EEPD1: variants seen among roughly 807,000 people sequenced by gnomAD.
The protein encoded by EEPD1 is endonuclease/exonuclease/phosphatase family domain containing 1, also known as endonuclease/exonuclease/phosphatase family domain-containing protein 1.
EEPD1 carries 17 observed loss-of-function variants against 46.3 expected under a neutral mutation model. That is an observed-to-expected ratio of 0.37 (90% CI 0.25 to 0.55). The LOEUF (loss-of-function observed/expected upper bound fraction) is 0.55. Among genes scored for constraint, EEPD1 ranks in the 20% least tolerant of loss-of-function variants. The probability of loss-of-function intolerance (pLI) is 0.83; values close to 1 mark genes in which losing one functional copy is unlikely to be tolerated. For missense variants in EEPD1, 673 were observed against 745.6 expected (o/e 0.90, Z 1.13); for synonymous variants, 313 against 315.6 (o/e 0.99, Z 0.09).
intron 2 of EEPD1, among the ~76,000 whole-genome samples, chr7:36,234,318 G>C (rs1786389634): frequency 6.6e-6 from 1 of 152,206 alleles, no homozygotes; most frequent in Admixed American, 6.5e-5. Flanking sequence ...TGGTGAGACA[G>C]TGTTTGCTTA....
At chr7:36,165,741 T>TACTTA (rs1784973025) in intron 2 of EEPD1, among the ~76,000 whole-genome samples, 1 of 152,030 alleles carries the variant, frequency 6.6e-6, no homozygotes, top group Non-Finnish European at 1.5e-5. Context: ...CCGGCCCTAA[T>TACTTA]GATCCATTTC....
At chr7:36,253,708 T>G (rs577600594) in intron 3 of EEPD1, among the ~76,000 whole-genome samples, 1 of 152,350 alleles carries the variant, frequency 6.6e-6, no homozygotes, top group African/African-American at 2.4e-5. Context: ...TCACCTCTAG[T>G]AACAGATTTT....
chr7:36,272,557 A>C (rs1787126725), intron 3 of EEPD1, among the ~76,000 whole-genome samples: 1 of 143,334 alleles, frequency 7.0e-6, no homozygotes, highest in African/African-American at 2.7e-5. Context: ...CATCTTGCTC[A>C]GGAACCATGT....
chr7:36,195,496 A>C (rs1374027650), intron 2 of EEPD1, among the ~76,000 whole-genome samples: 1 of 152,240 alleles, frequency 6.6e-6, no homozygotes, highest in Non-Finnish European at 1.5e-5. Flanking sequence ...GCAATTTTGC[A>C]ATTTTATTTA....
At chr7:36,222,253 G>C (rs1786159006) in intron 2 of EEPD1, among the ~76,000 whole-genome samples, 1 of 152,114 alleles carries the variant, frequency 6.6e-6, no homozygotes, top group Non-Finnish European at 1.5e-5. Context: ...TACAAATAAA[G>C]TAAACTAAGG....
chr7:36,154,878 C>T lies in EEPD1; in HGVS notation c.554C>T (p.Ala185Val), dbSNP rs202070535. 2 of 1,614,194 alleles carry T rather than the reference C, an allele frequency of 1.2e-6. No individual in the cohort carries two copies. The highest frequency in any genetic ancestry group is 1.3e-5 in the African/African-American group (1 of 75,044). Residue 185 changes from alanine (A) to valine (V), a missense_variant, in exon 2 of 8, where the codon GCC (alanine) becomes GTC (valine). Ala to Val is a moderately conservative substitution (Grantham distance 64). Coordinates refer to ENST00000242108, the MANE Select transcript of EEPD1 (RefSeq NM_030636.3). The surrounding 1 kb of genome is among the most constrained non-coding windows in gnomAD (Gnocchi z 4.2). ...EDLVRMDGINAAFLDRIRHQV... is the reference protein window; with the variant it reads ...EDLVRMDGINVAFLDRIRHQV... Reference sequence around the variant, plus strand: ...CTAGTGAGGATGGATGGTATCAATGCCGCCTTCCTGGACAGGATCCGGCAC... The same window carrying T: ...CTAGTGAGGATGGATGGTATCAATGTCGCCTTCCTGGACAGGATCCGGCAC...
intron 3 of EEPD1, among the ~76,000 whole-genome samples, chr7:36,241,826 C>T (rs1474344909): frequency 6.6e-6 from 1 of 152,188 alleles, no homozygotes; most frequent in Non-Finnish European, 1.5e-5. Context: ...CGAGATTGCG[C>T]CATTGCACTC....
At chr7:36,198,166 A>G (rs1350623695) in intron 2 of EEPD1, among the ~76,000 whole-genome samples, 1 of 151,920 alleles carries the variant, frequency 6.6e-6, no homozygotes, top group African/African-American at 2.4e-5. Context: ...ACATCTGATA[A>G]TGAGAATTTT....
intron 3 of EEPD1, among the ~76,000 whole-genome samples, chr7:36,258,141 G>A (rs1203738229): frequency 6.6e-6 from 1 of 152,210 alleles, no homozygotes; most frequent in Non-Finnish European, 1.5e-5. Context: ...GTTTGCCTAG[G>A]TATCACGAGT....
chr7:36,195,610 G>A (rs1785566895), intron 2 of EEPD1, among the ~76,000 whole-genome samples: 1 of 152,212 alleles, frequency 6.6e-6, no homozygotes, highest in African/African-American at 2.4e-5. Context: ...GGGTGGAGTG[G>A]ATTGGGGAGA....
At chr7:36,270,381 C>A (rs1441932156) in intron 3 of EEPD1, among the ~76,000 whole-genome samples, 1 of 152,042 alleles carries the variant, frequency 6.6e-6, no homozygotes, top group African/African-American at 2.4e-5. Flanking sequence ...CATAGGTATA[C>A]ACGTGCCATG....
intron 2 of EEPD1, among the ~76,000 whole-genome samples, chr7:36,186,262 C>T (rs1004957542): frequency 1.2e-4 from 18 of 152,250 alleles, no homozygotes; most frequent in South Asian, 2.1e-4. Context: ...CTGCCTTTCT[C>T]GGTTCTCTTC....
chr7:36,233,528 GC>G (rs1461893484), intron 2 of EEPD1, among the ~76,000 whole-genome samples: 3 of 152,246 alleles, frequency 2.0e-5, no homozygotes. Flanking sequence ...GAATGTCTCA[GC>G]CCCCAGCCTC....
At position 36,163,682 on chromosome 7, in the gene EEPD1, A is replaced by G. The variant is rs189890570; in HGVS notation, c.878+8480A>G. Among the ~76,000 whole-genome samples, 1,332 of 152,266 alleles carry G rather than the reference A, an allele frequency of 8.7e-3. 18 individuals are homozygous for G. The highest frequency in any genetic ancestry group is 0.03 in the African/African-American group (1,256 of 41,560). ...ATCATGAGGTCAGGAGATCGAGACC[A>G]TCTTGGCTAACACAGTGAAACCCTG... On this transcript the variant is annotated intron_variant, in intron 2 of 7. Coordinates refer to ENST00000242108, the MANE Select transcript of EEPD1 (RefSeq NM_030636.3).
chr7:36,230,650 C>T (rs1225735967), intron 2 of EEPD1: 1 of 152,216 alleles, frequency 6.6e-6, no homozygotes, highest in Non-Finnish European at 1.5e-5. Flanking sequence ...AGCCTCCCAG[C>T]TTTGTGCAGT....
chr7:36,287,000 A>T (rs196593), intron 5 of EEPD1, among the ~76,000 whole-genome samples: 11,185 of 152,058 alleles, frequency 0.074, 575 homozygotes, highest in Non-Finnish European at 0.11. Flanking sequence ...AGGCAGGAGG[A>T]TCACTTGAGG....
At chr7:36,232,669 A>T (rs191152453) in intron 2 of EEPD1, among the ~76,000 whole-genome samples, 24 of 149,796 alleles carry the variant, frequency 1.6e-4, no homozygotes, top group African/African-American at 5.9e-4. Flanking sequence ...TGGAGTGTTG[A>T]GAAGAATTTG....
chr7:36,215,669 G>T (rs1181677175), intron 2 of EEPD1, among the ~76,000 whole-genome samples: 1 of 152,220 alleles, frequency 6.6e-6, no homozygotes, highest in Non-Finnish European at 1.5e-5. Flanking sequence ...GTGCCAGTCT[G>T]TTCTGCACTG....
At chr7:36,274,367 T>C (rs1301099855) in intron 3 of EEPD1, among the ~76,000 whole-genome samples, 2 of 152,350 alleles carry the variant, frequency 1.3e-5, no homozygotes, top group Middle Eastern at 3.4e-3. Context: ...AGAGAGTGTA[T>C]TTCTGCCCTG....
Sources: gnomAD v4.1 joint callset for allele counts (sites outside exome capture counted in the v4.1 genomes callset) on GRCh38, gnomAD v4.1.1 for gene constraint, Gnocchi (gnomAD v3.1) non-coding constraint, MANE v1.5 for transcripts, NCBI Gene and HGNC (gene_info 2026-07-23, HGNC 2026-07-21) for gene names.